Variants in SMARCAD1 observed in about 807,000 individuals in gnomAD.
SMARCAD1 encodes the protein SNF2 related chromatin remodeling ATPase with DExD box 1.
In SMARCAD1, 25 loss-of-function variants were observed where a neutral mutation model predicts 127.1. The ratio of observed to expected loss-of-function variants is 0.20; its 90% confidence interval spans 0.14 to 0.27. The LOEUF (loss-of-function observed/expected upper bound fraction) is 0.27. Ranked by LOEUF, SMARCAD1 falls within the 10% of genes least tolerant of loss-of-function variation. The pLI is 1.00. For synonymous variants in SMARCAD1, 400 were observed against 396.9 expected, an observed-to-expected ratio of 1.01 and a Z score of -0.09; for missense variants, 807 against 1,206.0, an observed-to-expected ratio of 0.67 and a Z score of 4.90.
intron 9 of SMARCAD1, among the ~76,000 whole-genome samples, chr4:94,262,922 G>A (rs1298446555): frequency 1.5e-5 from 2 of 136,904 alleles, no homozygotes; most frequent in Non-Finnish European, 3.1e-5. Flanking sequence ...GAAAAGAAAT[G>A]GTAGTTGGTT....
intron 6 of SMARCAD1, among the ~76,000 whole-genome samples, chr4:94,247,989 C>A (rs747063122): frequency 2.0e-5 from 3 of 152,116 alleles, no homozygotes; most frequent in Non-Finnish European, 4.4e-5. Context: ...CTTAACTCTT[C>A]CCCCACATCC....
intron 8 of SMARCAD1, among the ~76,000 whole-genome samples, chr4:94,251,088 G>A (rs910245060): frequency 6.6e-6 from 1 of 152,040 alleles, no homozygotes; most frequent in Non-Finnish European, 1.5e-5. Flanking sequence ...TAATAGTTAA[G>A]GCTACTTTTA....
intron 22 of SMARCAD1, among the ~76,000 whole-genome samples, chr4:94,283,584 GGGAGACTGAGGCGGGC>G (rs1429830094): frequency 6.6e-6 from 1 of 152,186 alleles, no homozygotes; most frequent in Non-Finnish European, 1.5e-5. Context: ...CCAGCACTTT[GGGAGACTGAGGCGGGC>G]GGATCATGAG....
chr4:94,256,465 C>G lies in SMARCAD1; in HGVS notation c.1281+3458C>G, dbSNP rs149562017. Among the ~76,000 whole-genome samples the G allele has an allele frequency of 9.5e-3, 1,440 of 152,196 alleles. 21 individuals carry two copies. Among genetic ancestry groups the G allele is most frequent in the African/African-American group, 0.033 (1,374 of 41,514 alleles). On this transcript the variant is annotated intron_variant, in intron 9 of 23. Transcript: ENST00000354268. ...GCAACCTCCACCTCCCGGGTTCAAG[C>G]GATTCTCCTGCCTCAGCCTCCCTAG...
At chr4:94,222,437 G>GCCCCCCCCCCCCCCCCCCCCC (rs1744295598) in intron 2 of SMARCAD1, among the ~76,000 whole-genome samples, 1 of 111,816 alleles carries the variant, frequency 8.9e-6, no homozygotes, top group Non-Finnish European at 1.8e-5. Context: ...TCCTCACCCA[G>GCCCCCCCCCCCCCCCCCCCCC]CCCCCCACCC....
intron 9 of SMARCAD1, among the ~76,000 whole-genome samples, chr4:94,263,961 T>A (rs146452837): frequency 6.6e-6 from 1 of 151,990 alleles, no homozygotes; most frequent in African/African-American, 2.4e-5. Flanking sequence ...CTTTTACATA[T>A]GAAGTATTCA....
intron 10 of SMARCAD1, 91 bp downstream of exon 10, chr4:94,264,997 G>A: frequency 8.0e-7 from 1 of 1,257,430 alleles, no homozygotes; most frequent in Non-Finnish European, 1.1e-6. Context: ...AAAGTGATAT[G>A]GCAACTAGTG....
intron 2 of SMARCAD1, among the ~76,000 whole-genome samples, chr4:94,209,344 A>G (rs1560505434): frequency 6.6e-6 from 1 of 152,244 alleles, no homozygotes; most frequent in Non-Finnish European, 1.5e-5. Flanking sequence ...GTGAAATGAG[A>G]TTCAGAGAGG....
At chr4:94,238,632 A>G (rs1487712314) in intron 5 of SMARCAD1, among the ~76,000 whole-genome samples, 1 of 152,186 alleles carries the variant, frequency 6.6e-6, no homozygotes, top group East Asian at 1.9e-4. Context: ...AAAGAAAGAA[A>G]GAAAGAAAAA....
intron 3 of SMARCAD1, 65 bp downstream of exon 3, chr4:94,226,361 C>A: frequency 7.4e-7 from 1 of 1,353,514 alleles, no homozygotes; most frequent in Non-Finnish European, 1.0e-6. Flanking sequence ...AAAAACCTAC[C>A]TAATTTGAGA....
intron 6 of SMARCAD1, among the ~76,000 whole-genome samples, chr4:94,241,340 A>G (rs776148870): frequency 2.0e-5 from 3 of 152,198 alleles, no homozygotes; most frequent in South Asian, 4.1e-4. Flanking sequence ...AAATTTATCC[A>G]GTATTAATTG....
chr4:94,253,731 C>T, intron 9 of SMARCAD1: 1 of 958,358 alleles, frequency 1.0e-6, no homozygotes, highest in Non-Finnish European at 1.2e-6. Context: ...AGGTTGTATA[C>T]AGAATACCTG....
chr4:94,288,596 GAA>G (rs1363196269), intron 23 of SMARCAD1, among the ~76,000 whole-genome samples: 3 of 152,138 alleles, frequency 2.0e-5, no homozygotes, highest in Non-Finnish European at 2.9e-5. Context: ...ACAGAGAAAA[GAA>G]GAGTGGATGA....
Position 94,290,100 on chromosome 4 carries a change from A to G in SMARCAD1, c.*566A>G, listed in dbSNP as rs1377742347. On this transcript the variant is annotated 3_prime_UTR_variant, in exon 24 of 24. Coordinates refer to ENST00000354268, the MANE Select transcript of SMARCAD1 (RefSeq NM_020159.5). ...TGAATTTAAAGGTGGCATTCCATATACTAACATCCCCCAGGTCCTCTCAAG... is the reference window on the plus strand; with the variant it reads ...TGAATTTAAAGGTGGCATTCCATATGCTAACATCCCCCAGGTCCTCTCAAG... The G allele has an allele frequency of 4.4e-6, 2 of 454,512 alleles. No individual in the cohort carries two copies. Among genetic ancestry groups the G allele is most frequent in the East Asian group, 6.9e-5 (1 of 14,398 alleles). The allele number at this position is 454,512 out of a possible 1,614,324, so 28.2% of individuals were successfully genotyped here.
At chr4:94,266,572 A>G (rs1560553380) in intron 10 of SMARCAD1, among the ~76,000 whole-genome samples, 1 of 152,058 alleles carries the variant, frequency 6.6e-6, no homozygotes, top group Admixed American at 6.5e-5. Flanking sequence ...TTCTTCAGCC[A>G]AGGTAAGAGT....
intron 3 of SMARCAD1, among the ~76,000 whole-genome samples, chr4:94,227,395 G>A (rs1210901867): frequency 6.6e-6 from 1 of 152,172 alleles, no homozygotes; most frequent in African/African-American, 2.4e-5. Context: ...CTTAATGACT[G>A]TGAGGGAGCA....
chr4:94,258,149 A>AT (rs748772735), intron 9 of SMARCAD1, among the ~76,000 whole-genome samples: 1,533 of 142,672 alleles, frequency 0.011, 16 homozygotes, highest in East Asian at 0.076. Context: ...TTCCCATCAG[A>AT]TTTTTTTTTT....
At chr4:94,282,549 T>G (rs1754259803) in intron 21 of SMARCAD1, among the ~76,000 whole-genome samples, 1 of 152,106 alleles carries the variant, frequency 6.6e-6, no homozygotes, top group Admixed American at 6.5e-5. Context: ...TTCCCAAAGG[T>G]TGTAAAGATT....
chr4:94,207,957 C>G lies in SMARCAD1; in HGVS notation c.-163C>G, dbSNP rs1168887334. On this transcript the variant is annotated 5_prime_UTR_variant, in exon 1 of 24. Transcript: ENST00000354268. ...TCCCCGCAGTGTCGAGGCGCGGGCC[C>G]TGGCAGGTCCTTTCTCGAGGCAGGG... The G allele has an allele frequency of 5.6e-6, 2 of 358,710 alleles. No homozygotes were observed. Among genetic ancestry groups the G allele is most frequent in the South Asian group, 4.2e-5 (2 of 47,362 alleles). 22.2% of individuals were successfully genotyped at this position (358,710 alleles called of 1,614,324 possible). A position where few individuals can be genotyped will look rare whatever the true frequency, so the allele number is the denominator to read the frequency against.
Sources: allele counts gnomAD v4.1 joint callset (sites outside exome capture counted in the v4.1 genomes callset), GRCh38; gene constraint gnomAD v4.1.1; transcripts MANE v1.5; gene names NCBI Gene and HGNC (gene_info 2026-07-23, HGNC 2026-07-21).